The following EEPD1 variants were observed in gnomAD, a reference collection of about 807,000 sequenced individuals.
The protein encoded by EEPD1 is endonuclease/exonuclease/phosphatase family domain-containing protein 1.
Under a neutral mutation model 46.3 loss-of-function variants are expected in EEPD1, and 17 were observed. The observed-to-expected ratio is 0.37, with a 90% CI of 0.25 to 0.55. EEPD1 has a LOEUF of 0.55. EEPD1 is among the 20% of genes least tolerant of loss of function. EEPD1 has a pLI of 0.83. For missense variants in EEPD1, 673 were observed against 745.6 expected, an observed-to-expected ratio of 0.90 and a Z score of 1.13; for synonymous variants, 313 against 315.6, an observed-to-expected ratio of 0.99 and a Z score of 0.09.
At chr7:36,288,256 C>G (rs1787371180) in intron 6 of EEPD1, among the ~76,000 whole-genome samples, 1 of 152,106 alleles carries the variant, frequency 6.6e-6, no homozygotes, top group African/African-American at 2.4e-5. Flanking sequence ...AAGCCCTGAA[C>G]CTGTCAGAAA....
chr7:36,166,727 G>A (rs997756032), intron 2 of EEPD1, among the ~76,000 whole-genome samples: 3 of 152,158 alleles, frequency 2.0e-5, no homozygotes, highest in Non-Finnish European at 2.9e-5. Context: ...GATTAATTCT[G>A]TTAGTTAAGA....
At chr7:36,279,731 C>T (rs900121529) in intron 3 of EEPD1, among the ~76,000 whole-genome samples, 9 of 152,186 alleles carry the variant, frequency 5.9e-5, no homozygotes, top group African/African-American at 2.2e-4. Context: ...TTTGTTCAGG[C>T]ACAGATTGCT....
At chr7:36,190,919 C>T (rs189210236) in intron 2 of EEPD1, among the ~76,000 whole-genome samples, 12 of 152,288 alleles carry the variant, frequency 7.9e-5, no homozygotes, top group East Asian at 3.9e-4. Flanking sequence ...CCGGAATGCC[C>T]GGCCTTCCTC....
At chr7:36,226,324 G>A (rs559344135) in intron 2 of EEPD1, among the ~76,000 whole-genome samples, 1 of 152,314 alleles carries the variant, frequency 6.6e-6, no homozygotes. Context: ...AGGCTTATGA[G>A]GGAAGCAGCG....
intron 2 of EEPD1, among the ~76,000 whole-genome samples, chr7:36,161,779 G>T (rs1365582940): frequency 1.3e-5 from 2 of 151,840 alleles, no homozygotes; most frequent in Non-Finnish European, 2.9e-5. Flanking sequence ...TAGCTGAGTG[G>T]GGTAGTGCGT....
intron 3 of EEPD1, among the ~76,000 whole-genome samples, chr7:36,239,854 T>C (rs1786526890): frequency 6.6e-6 from 1 of 152,218 alleles, no homozygotes; most frequent in South Asian, 2.1e-4. Context: ...TCTTCCTGCA[T>C]GTGTAGCCGC....
At chr7:36,173,892 CAG>C (rs935664406) in intron 2 of EEPD1, among the ~76,000 whole-genome samples, 38 of 152,318 alleles carry the variant, frequency 2.5e-4, no homozygotes, top group African/African-American at 9.1e-4. Flanking sequence ...AATACAAATG[CAG>C]AGATTCACTT....
At chr7:36,250,884 C>A (rs886816700) in intron 3 of EEPD1, among the ~76,000 whole-genome samples, 4 of 152,126 alleles carry the variant, frequency 2.6e-5, no homozygotes, top group African/African-American at 9.7e-5. Context: ...GGATTCATTT[C>A]TTTACCCCCA....
chr7:36,197,591 A>T (rs1312563091), intron 2 of EEPD1, among the ~76,000 whole-genome samples: 1 of 152,192 alleles, frequency 6.6e-6, no homozygotes, highest in Non-Finnish European at 1.5e-5. Context: ...CTGCCTTGGG[A>T]TCCTATTGAT....
At chr7:36,290,218 C>T (rs983817911) in intron 6 of EEPD1, among the ~76,000 whole-genome samples, 4 of 152,112 alleles carry the variant, frequency 2.6e-5, no homozygotes, top group Non-Finnish European at 4.4e-5. Flanking sequence ...AGTCACCATC[C>T]CCCCACCCCA....
Position 36,179,368 on chromosome 7 carries a change from A to ATG in EEPD1, c.878+24167_878+24168insGT, listed in dbSNP as rs201508439. Reference sequence around the variant, plus strand: ...TGATTTATCAATAAGTAATATATATATTGGGGTTACATGCTCAAATGCTAT... The same window carrying ATG: ...TGATTTATCAATAAGTAATATATATATGTTGGGGTTACATGCTCAAATGCTAT... On this transcript the variant is annotated intron_variant, in intron 2 of 7. Coordinates refer to ENST00000242108, the MANE Select transcript of EEPD1 (RefSeq NM_030636.3). Among the ~76,000 whole-genome samples the ATG allele has an allele frequency of 2.6e-3, 391 of 152,276 alleles. 1 individual carries two copies. The highest frequency in any genetic ancestry group is 5.0e-3 in the South Asian group (24 of 4,828).
rs1286212851 is a variant in EEPD1, at chr7:36,299,056, T to C, written c.1560T>C (p.Asp520=). 1 of 1,614,068 alleles carries C rather than the reference T, an allele frequency of 6.2e-7. No homozygotes were observed. The highest frequency in any genetic ancestry group is 1.1e-5 in the South Asian group (1 of 91,078). Residue 520 remains aspartate, a synonymous_variant, in exon 8 of 8, where the codon GAT becomes GAC. Coordinates refer to ENST00000242108, the MANE Select transcript of EEPD1 (RefSeq NM_030636.3). ...GCCTCACGAACCCTTGGATTCCGGA[T>C]AACTGGTCTTGGGGCGGGGTGGCTT... ...REGLTNPWIP[D]NWSWGGVASE...
At chr7:36,201,697 G>A (rs1224659053) in intron 2 of EEPD1, among the ~76,000 whole-genome samples, 2 of 152,094 alleles carry the variant, frequency 1.3e-5, no homozygotes, top group Admixed American at 1.3e-4. Context: ...CTTCTTTCCA[G>A]CCTTTCCCCT....
intron 2 of EEPD1, among the ~76,000 whole-genome samples, chr7:36,210,229 A>C (rs1324030256): frequency 6.6e-6 from 1 of 152,214 alleles, no homozygotes; most frequent in African/African-American, 2.4e-5. Flanking sequence ...GAAAATTTCA[A>C]ACTTGTTACT....
intron 6 of EEPD1, among the ~76,000 whole-genome samples, chr7:36,288,324 A>C (rs1046391517): frequency 6.6e-6 from 1 of 152,182 alleles, no homozygotes; most frequent in African/African-American, 2.4e-5. Flanking sequence ...TCAGGCCCCC[A>C]TCTGATGGGG....
chr7:36,220,238 C>G (rs1786121764), intron 2 of EEPD1, among the ~76,000 whole-genome samples: 1 of 152,122 alleles, frequency 6.6e-6, no homozygotes, highest in African/African-American at 2.4e-5. Flanking sequence ...GAACAAATAC[C>G]TTCAGATGAT....
intron 2 of EEPD1, among the ~76,000 whole-genome samples, chr7:36,176,264 G>A (rs1785177882): frequency 1.3e-5 from 2 of 152,212 alleles, no homozygotes; most frequent in Admixed American, 6.5e-5. Flanking sequence ...TGGCTGGGGC[G>A]AGGATGCTCA....
At chr7:36,235,167 C>T (rs1478595641) in intron 2 of EEPD1, among the ~76,000 whole-genome samples, 2 of 150,046 alleles carry the variant, frequency 1.3e-5, no homozygotes, top group Non-Finnish European at 3.0e-5. Flanking sequence ...CCCCTACAGC[C>T]TCCAGCACAG....
At chr7:36,182,319 A>G (rs1358081304) in intron 2 of EEPD1, among the ~76,000 whole-genome samples, 1 of 152,224 alleles carries the variant, frequency 6.6e-6, no homozygotes, top group African/African-American at 2.4e-5. Flanking sequence ...ATTTGTGTTT[A>G]TTTGTAAATA....
Sources: allele counts gnomAD v4.1 joint callset (sites outside exome capture counted in the v4.1 genomes callset), GRCh38; gene constraint gnomAD v4.1.1; transcripts MANE v1.5; gene names NCBI Gene and HGNC (gene_info 2026-07-23, HGNC 2026-07-21).